Variants in TTC17 observed in about 807,000 individuals in gnomAD.
TTC17 encodes the protein tetratricopeptide repeat domain 17.
A neutral mutation model predicts 143.8 loss-of-function variants in TTC17; 58 were observed. That is an observed-to-expected ratio of 0.40 (90% CI 0.33 to 0.50). The LOEUF (loss-of-function observed/expected upper bound fraction) is 0.50. TTC17 is among the 20% of genes least tolerant of loss of function. The pLI, the probability that TTC17 is intolerant of heterozygous loss-of-function variation, is 0.49. For synonymous variants in TTC17, 501 were observed against 497.8 expected (o/e 1.01, Z -0.09); for missense variants, 1,273 against 1,392.5 (o/e 0.91, Z 1.37).
intron 15 of TTC17, among the ~76,000 whole-genome samples, chr11:43,410,742 C>T (rs543002917): frequency 6.6e-6 from 1 of 152,314 alleles, no homozygotes; most frequent in South Asian, 2.1e-4. Flanking sequence ...CTCCTTAACG[C>T]TGTTCCAAAT....
At chr11:43,413,020 ACACACAC>A (rs1565153399) in intron 15 of TTC17, among the ~76,000 whole-genome samples, 7 of 150,176 alleles carry the variant, frequency 4.7e-5, no homozygotes, top group Non-Finnish European at 7.4e-5. Context: ...ACACACACAC[ACACACAC>A]AAATGGGGGC....
intron 21 of TTC17, among the ~76,000 whole-genome samples, chr11:43,472,160 T>C (rs995107957): frequency 5.9e-5 from 9 of 152,016 alleles, no homozygotes; most frequent in Admixed American, 3.3e-4. Flanking sequence ...AGTTTGAGAA[T>C]AGCCTGAACA....
At chr11:43,392,000 C>T (rs369520671) in intron 5 of TTC17, 48 bp downstream of exon 5, 7 of 1,544,980 alleles carry the variant, frequency 4.5e-6, no homozygotes, top group Non-Finnish European at 6.1e-6. Context: ...CCAGCGGGCT[C>T]TGTGTAAACA....
At chr11:43,402,336 A>G (rs1449448779) in intron 10 of TTC17, among the ~76,000 whole-genome samples, 1 of 152,144 alleles carries the variant, frequency 6.6e-6, no homozygotes, top group African/African-American at 2.4e-5. Flanking sequence ...GCCTCAACCA[A>G]TACCACCAAC....
Position 43,405,412 on chromosome 11 carries a change from T to C in TTC17, c.1480-102T>C, listed in dbSNP as rs139344037. ...AGTCTACCATAATCTTAAGATATTA[T>C]AGTTTTGTTCAATTATTGTAGTATA... On this transcript the variant is annotated intron_variant, in intron 11 of 23. Transcript: ENST00000039989. 6.6e-5 allele frequency: 55 copies of C among 830,992 alleles called. No homozygotes were observed. In the East Asian group the frequency reaches 1.2e-3, roughly 19 times the overall value. The allele number at this position is 830,992 out of a possible 1,614,324, so 51.5% of individuals were successfully genotyped here. A position where few individuals can be genotyped will look rare whatever the true frequency, so the allele number is the denominator to read the frequency against.
At chr11:43,406,511 G>T (rs1227698166) in intron 13 of TTC17, among the ~76,000 whole-genome samples, 4 of 148,378 alleles carry the variant, frequency 2.7e-5, no homozygotes, top group African/African-American at 7.4e-5. Flanking sequence ...TCATTCCATA[G>T]ATAAAAATGA....
At chr11:43,430,704 TACACGC>T (rs1304509446) in intron 16 of TTC17, among the ~76,000 whole-genome samples, 1 of 50,340 alleles carries the variant, frequency 2.0e-5, no homozygotes, top group Admixed American at 2.2e-4. Flanking sequence ...ATCCCCTACA[TACACGC>T]ACACACACAC....
chr11:43,379,719 T>G (rs1856893077), intron 2 of TTC17, among the ~76,000 whole-genome samples: 1 of 152,176 alleles, frequency 6.6e-6, no homozygotes, highest in Non-Finnish European at 1.5e-5. Context: ...GTAATTATTG[T>G]TTATTCTCAG....
At chr11:43,426,088 T>C (rs1947021000) in intron 16 of TTC17, among the ~76,000 whole-genome samples, 2 of 152,266 alleles carry the variant, frequency 1.3e-5, no homozygotes, top group South Asian at 4.1e-4. Context: ...CGGATACTGC[T>C]GTCAAGCAAG....
In TTC17 at chr11:43,462,967, G is replaced by A. The variant is rs1291594422; in HGVS notation, c.3030+11702G>A. ...GTCTCACTCTATTGCCCAGGCTGAA[G>A]TGCAGTGGTGCTATCTTGGCTCACT... On this transcript the variant is annotated intron_variant, in intron 21 of 23. Transcript: ENST00000039989. Among the ~76,000 whole-genome samples the A allele has an allele frequency of 5.3e-5, 7 of 132,094 alleles. No individual in the cohort carries two copies. The East Asian group carries it at 5.9e-4, about 11-fold the overall frequency. 86.7% of individuals were successfully genotyped at this position (132,094 alleles called of 152,430 possible). A position where few individuals can be genotyped will look rare whatever the true frequency, so the allele number is the denominator to read the frequency against.
intron 16 of TTC17, among the ~76,000 whole-genome samples, chr11:43,431,363 G>T (rs1014977339): frequency 6.6e-6 from 1 of 152,168 alleles, no homozygotes; most frequent in Non-Finnish European, 1.5e-5. Context: ...CTTCCACAGT[G>T]GATGAACTAA....
intron 15 of TTC17, among the ~76,000 whole-genome samples, chr11:43,408,149 T>C (rs1046569669): frequency 6.6e-6 from 1 of 152,216 alleles, no homozygotes; most frequent in Non-Finnish European, 1.5e-5. Context: ...GGATGGATGT[T>C]ATAATTGCTG....
chr11:43,409,833 TC>T (rs1165098409), intron 15 of TTC17, among the ~76,000 whole-genome samples: 1 of 152,014 alleles, frequency 6.6e-6, no homozygotes, highest in Non-Finnish European at 1.5e-5. Context: ...TTTTCTTTTT[TC>T]CTTTTTTCTT....
intron 8 of TTC17, 122 bp downstream of exon 8, chr11:43,398,235 C>A: frequency 1.6e-6 from 2 of 1,217,810 alleles, no homozygotes; most frequent in Non-Finnish European, 2.2e-6. Flanking sequence ...TTCACTACTG[C>A]AAGTCCTATC....
intron 1 of TTC17, among the ~76,000 whole-genome samples, chr11:43,372,230 A>G (rs958574797): frequency 7.9e-5 from 12 of 151,328 alleles, no homozygotes; most frequent in Non-Finnish European, 1.6e-4. Context: ...GCAAAAAAAT[A>G]GTATAGTTCC....
In TTC17 at chr11:43,447,914, A is replaced by G. The variant is rs1246833691; in HGVS notation, c.2666-88A>G. 4.6e-6 allele frequency: 7 copies of G among 1,516,740 alleles called. No individual in the cohort carries two copies. In the Admixed American group the frequency reaches 1.4e-4, roughly 30 times the overall value. 94.0% of individuals were successfully genotyped at this position (1,516,740 alleles called of 1,614,324 possible). ...ATGACTAGCACCTCCAAATACACCA[A>G]TCCAGGTGAAGTAATCACCAGGGCA... On this transcript the variant is annotated intron_variant, in intron 18 of 23. Coordinates refer to ENST00000039989, the MANE Select transcript of TTC17 (RefSeq NM_018259.6).
intron 1 of TTC17, among the ~76,000 whole-genome samples, chr11:43,375,638 T>C (rs1856733721): frequency 6.6e-6 from 1 of 151,624 alleles, no homozygotes; most frequent in Admixed American, 6.6e-5. Context: ...CCTAGATGAA[T>C]ACCATTTAAA....
Position 43,393,501 on chromosome 11 carries a change from CA to C in TTC17, c.663+1553del, listed in dbSNP as rs140982092. Among the ~76,000 whole-genome samples the C allele has an allele frequency of 4.0e-3, 610 of 152,262 alleles. 4 individuals carry two copies. Among genetic ancestry groups the C allele is most frequent in the Non-Finnish European group, 3.6e-3 (246 of 68,014 alleles). ...ATGTGTTCACCAACCCAGAAGCTCT[CA>C]AAACTCTGTTGTTTAAGGGTTTCTA... is the stretch of plus-strand genomic sequence containing the variant. On this transcript the variant is annotated intron_variant, in intron 5 of 23. Transcript: ENST00000039989.
At chr11:43,461,498 C>G (rs548108673) in intron 21 of TTC17, among the ~76,000 whole-genome samples, 1 of 149,812 alleles carries the variant, frequency 6.7e-6, no homozygotes, top group African/African-American at 2.4e-5. Context: ...CCAAAATGTT[C>G]TTAAAAGATT....
Sources: gnomAD v4.1 joint callset for allele counts (sites outside exome capture counted in the v4.1 genomes callset) on GRCh38, gnomAD v4.1.1 for gene constraint, MANE v1.5 for transcripts, NCBI Gene and HGNC (gene_info 2026-07-23, HGNC 2026-07-21) for gene names.